IQUB: variants seen among roughly 807,000 people sequenced by gnomAD.
IQUB encodes the protein IQ motif and ubiquitin-like domain-containing protein.
In IQUB, 86 loss-of-function variants were observed where a neutral mutation model predicts 86.4. The ratio of observed to expected loss-of-function variants is 1.00; its 90% CI spans 0.84 to 1.19. The LOEUF is 1.19. IQUB is among the 50% of genes most tolerant of loss of function. The pLI is 0.00. For missense variants in IQUB, 946 were observed against 916.9 expected (o/e 1.03, Z -0.41); for synonymous variants, 289 against 304.5 (o/e 0.95, Z 0.53).
chr7:123,518,478 A>C (rs1796751140), intron 1 of IQUB, among the ~76,000 whole-genome samples: 1 of 152,158 alleles, frequency 6.6e-6, no homozygotes, highest in African/African-American at 2.4e-5. Flanking sequence ...CAAGGTCCTA[A>C]ATGATCTAGC....
At chr7:123,488,262 A>G (rs1448409398) in intron 7 of IQUB, among the ~76,000 whole-genome samples, 2 of 150,958 alleles carry the variant, frequency 1.3e-5, no homozygotes, top group Non-Finnish European at 2.9e-5. Context: ...AATGGTGTGA[A>G]CCCAGGAGGC....
intron 9 of IQUB, among the ~76,000 whole-genome samples, chr7:123,468,692 T>C (rs957347155): frequency 9.9e-5 from 15 of 152,224 alleles, no homozygotes; most frequent in East Asian, 3.9e-4. Flanking sequence ...CTGATTTCTC[T>C]ACTGCCTCAC....
intron 7 of IQUB, among the ~76,000 whole-genome samples, chr7:123,488,119 G>T (rs1383263025): frequency 6.6e-6 from 1 of 151,986 alleles, no homozygotes; most frequent in Non-Finnish European, 1.5e-5. Context: ...GCCGAGGCGG[G>T]CGGATCACGA....
chr7:123,531,253 A>G (rs990026987), intron 1 of IQUB, among the ~76,000 whole-genome samples: 4 of 152,208 alleles, frequency 2.6e-5, no homozygotes, highest in African/African-American at 7.2e-5. Flanking sequence ...CCAGATAACA[A>G]TGTGTCTCCG....
Position 123,464,913 on chromosome 7 carries a change from G to A in IQUB, c.1678C>T (p.Leu560Phe). Residue 560 changes from leucine (L) to phenylalanine (F), a missense_variant, in exon 10 of 13, where the codon CTC (leucine) becomes TTC (phenylalanine). By Grantham distance (22) the Leu-to-Phe change is conservative. Coordinates refer to ENST00000324698, the MANE Select transcript of IQUB (RefSeq NM_178827.5). ...RGVKHHNLEG[L>F]RKRIATLFFH... ...AAGAGTGTCGCAATTCTTTTTCTGAGTCCTTCAAGGTTATGATGTTTGACT... is the reference window on the plus strand; with the variant it reads ...AAGAGTGTCGCAATTCTTTTTCTGAATCCTTCAAGGTTATGATGTTTGACT... 3 of 1,605,556 alleles carry A rather than the reference G, an allele frequency of 1.9e-6. No homozygotes were observed. Among genetic ancestry groups the A allele is most frequent in the Non-Finnish European group, 2.6e-6 (3 of 1,175,670 alleles).
At chr7:123,499,083 A>C (rs1273042132) in intron 6 of IQUB, among the ~76,000 whole-genome samples, 1 of 152,146 alleles carries the variant, frequency 6.6e-6, no homozygotes, top group Non-Finnish European at 1.5e-5. Context: ...GACACAAAAG[A>C]TAAATCCCAG....
At chr7:123,517,154 A>C (rs1796671769) in intron 1 of IQUB, among the ~76,000 whole-genome samples, 1 of 152,184 alleles carries the variant, frequency 6.6e-6, no homozygotes, top group African/African-American at 2.4e-5. Flanking sequence ...ATGGACTGCA[A>C]GCAAATATGC....
At chr7:123,510,522 C>G (rs1272980501) in intron 2 of IQUB, among the ~76,000 whole-genome samples, 2 of 151,928 alleles carry the variant, frequency 1.3e-5, no homozygotes, top group African/African-American at 4.8e-5. Context: ...AAATGATTAT[C>G]TGTTCATGAA....
intron 7 of IQUB, among the ~76,000 whole-genome samples, chr7:123,481,591 A>G (rs1341602184): frequency 6.6e-6 from 1 of 152,132 alleles, no homozygotes; most frequent in Non-Finnish European, 1.5e-5. Context: ...AGACTGTCAA[A>G]AAGGCACACA....
At chr7:123,493,732 TGTGTGTGTG>T (rs1562855216) in intron 7 of IQUB, among the ~76,000 whole-genome samples, 72 of 10,608 alleles carry the variant, frequency 6.8e-3, no homozygotes, top group African/African-American at 0.017. Context: ...TGTGTGTGTA[TGTGTGTGTG>T]TGTGTGTGTG....
At chr7:123,519,641 T>C (rs1796812548) in intron 1 of IQUB, among the ~76,000 whole-genome samples, 1 of 152,088 alleles carries the variant, frequency 6.6e-6, no homozygotes, top group East Asian at 1.9e-4. Flanking sequence ...TACCAGAAGC[T>C]GAGAAGGGCA....
intron 2 of IQUB, 51 bp downstream of exon 2, chr7:123,511,893 T>C (rs770282801): frequency 1.7e-5 from 24 of 1,373,820 alleles, no homozygotes; most frequent in Non-Finnish European, 2.3e-5. Context: ...AGAAAACGCA[T>C]TCATTCTTCA....
rs769854966 is a variant in IQUB at position 123,469,320 on chromosome 7, G to A, written c.1475C>T (p.Thr492Ile). 9 of 1,609,308 alleles carry A rather than the reference G, an allele frequency of 5.6e-6. No homozygotes were observed. The Admixed American group carries it at 1.2e-4, about 21-fold the overall frequency. Residue 492 changes from threonine (T) to isoleucine (I), a missense_variant, in exon 9 of 13, where the codon ACC becomes ATC. Thr to Ile is a moderately conservative substitution (Grantham distance 89). Coordinates refer to ENST00000324698, the MANE Select transcript of IQUB (RefSeq NM_178827.5). ...GKTIEMDTQFTIRARELQNIY... is the reference protein window; with the variant it reads ...GKTIEMDTQFIIRARELQNIY... ...ATTTTGCAGCTCTCTGGCTCTGATG[G>A]TGAACTGCGTATCCATCTCAATTGT...
chr7:123,503,255 C>T lies in IQUB; in HGVS notation c.641G>A (p.Arg214Lys). The T allele has an allele frequency of 1.2e-6, 2 of 1,611,932 alleles. No homozygotes were observed. The highest frequency in any genetic ancestry group is 8.5e-7 in the Non-Finnish European group (1 of 1,178,344). The change falls in exon 4 of 13, where the codon AGA becomes AAA. Residue 214 changes from arginine (R) to lysine (K), a missense_variant. Arg to Lys is a conservative substitution (Grantham distance 26). Coordinates refer to ENST00000324698, the MANE Select transcript of IQUB (RefSeq NM_178827.5). ...AGAGACATCAGTTAATCCATCTATT[C>T]TTCTGACTGGATACAGATCTGGATT... Reference protein sequence around the residue: ...STNPDLYPVRRIDGLTDVSQI... With the variant: ...STNPDLYPVRKIDGLTDVSQI...
At chr7:123,523,220 G>A (rs1358683987) in intron 1 of IQUB, among the ~76,000 whole-genome samples, 2 of 137,622 alleles carry the variant, frequency 1.5e-5, no homozygotes, top group African/African-American at 5.4e-5. Context: ...AATATACCCA[G>A]TAATGGGATG....
intron 7 of IQUB, among the ~76,000 whole-genome samples, chr7:123,488,199 G>T (rs1795293618): frequency 6.6e-6 from 1 of 151,772 alleles, no homozygotes; most frequent in South Asian, 2.1e-4. Flanking sequence ...AAATTATCCG[G>T]GCGCGGTGGC....
intron 1 of IQUB, among the ~76,000 whole-genome samples, chr7:123,523,030 A>T (rs956813499): frequency 4.6e-5 from 7 of 150,578 alleles, no homozygotes; most frequent in Non-Finnish European, 8.9e-5. Context: ...AAAGGACATG[A>T]ACTCATCATT....
Position 123,472,362 on chromosome 7 carries a change from T to C in IQUB, c.1411-2978A>G, listed in dbSNP as rs532069177. On this transcript the variant is annotated intron_variant, in intron 8 of 12. Coordinates refer to ENST00000324698, the MANE Select transcript of IQUB (RefSeq NM_178827.5). Reference sequence around the variant, plus strand: ...CTCTTTCATTCATTCAACAAATATTTACTGTGTTTACTATACATTAATCAA... The same window carrying C: ...CTCTTTCATTCATTCAACAAATATTCACTGTGTTTACTATACATTAATCAA... Among the ~76,000 whole-genome samples, 76 of 152,326 alleles carry C rather than the reference T, an allele frequency of 5.0e-4. 1 individual carries two copies. Among genetic ancestry groups the C allele is most frequent in the African/African-American group, 1.8e-3 (75 of 41,586 alleles).
intron 2 of IQUB, among the ~76,000 whole-genome samples, chr7:123,511,551 T>C (rs1796414554): frequency 6.6e-6 from 1 of 152,164 alleles, no homozygotes. Flanking sequence ...AAAAATCCAT[T>C]GTCTAGTTCC....
Sources: allele counts gnomAD v4.1 joint callset (sites outside exome capture counted in the v4.1 genomes callset), GRCh38; gene constraint gnomAD v4.1.1; transcripts MANE v1.5; gene names NCBI Gene and HGNC (gene_info 2026-07-23, HGNC 2026-07-21).